PLCZ1: variants seen among roughly 807,000 people sequenced by gnomAD.
PLCZ1 encodes the protein 1-phosphatidylinositol 4,5-bisphosphate phosphodiesterase zeta-1.
PLCZ1 carries 64 observed loss-of-function variants against 76.8 expected under a neutral mutation model. The observed-to-expected ratio is 0.83, with a 90% CI of 0.68 to 1.03. The LOEUF is 1.03. Among genes scored for constraint, PLCZ1 ranks in the 50% least tolerant of loss-of-function variants. The probability of loss-of-function intolerance (pLI) is 0.00; values close to 1 mark genes in which losing one functional copy is unlikely to be tolerated. For missense variants in PLCZ1, 751 were observed against 713.7 expected (o/e 1.05, Z -0.60); for synonymous variants, 248 against 230.8 (o/e 1.07, Z -0.68).
At chr12:18,725,125 C>G (rs549628506) in intron 3 of PLCZ1, among the ~76,000 whole-genome samples, 17 of 152,102 alleles carry the variant, frequency 1.1e-4, no homozygotes, top group African/African-American at 3.9e-4. Flanking sequence ...AAATGTTAAT[C>G]AAATTACAGA....
the PLCZ1 span, among the ~76,000 whole-genome samples, chr12:18,665,402 C>T: frequency 6.6e-6 from 1 of 151,872 alleles, no homozygotes; most frequent in African/African-American, 2.4e-5. Flanking sequence ...TTGTATTTCA[C>T]CACAAGAAAA....
At chr12:18,698,494 A>G (rs1029032144) in intron 10 of PLCZ1, among the ~76,000 whole-genome samples, 1 of 152,170 alleles carries the variant, frequency 6.6e-6, no homozygotes, top group African/African-American at 2.4e-5. Context: ...ATCTTTGGGT[A>G]TCTATGACCA....
intron 6 of PLCZ1, among the ~76,000 whole-genome samples, chr12:18,712,043 A>C (rs1957405378): frequency 6.6e-6 from 1 of 152,160 alleles, no homozygotes; most frequent in Admixed American, 6.6e-5. Context: ...GTATTGACAT[A>C]GGAGAACTTT....
intron 5 of PLCZ1, among the ~76,000 whole-genome samples, chr12:18,716,819 T>C (rs1958041945): frequency 6.6e-6 from 1 of 152,232 alleles, no homozygotes; most frequent in African/African-American, 2.4e-5. Context: ...CTATTTTCTA[T>C]TTGAAGTTGA....
intron 12 of PLCZ1, chr12:18,692,632 G>T (rs1954296422): frequency 3.4e-6 from 2 of 595,356 alleles, no homozygotes; most frequent in East Asian, 2.9e-5. Flanking sequence ...CCGCAATGGG[G>T]CAGGAGGACT....
intron 12 of PLCZ1, chr12:18,693,066 T>C: frequency 6.7e-7 from 1 of 1,486,566 alleles, no homozygotes; most frequent in Non-Finnish European, 9.4e-7. Context: ...AGGGAAAAGA[T>C]CAAAAGTGGA....
At chr12:18,704,734 G>A (rs1030033802) in intron 7 of PLCZ1, among the ~76,000 whole-genome samples, 2 of 152,056 alleles carry the variant, frequency 1.3e-5, no homozygotes, top group African/African-American at 4.8e-5. Flanking sequence ...AAATTAAGAC[G>A]GAAAGGGTCA....
At chr12:18,656,846 A>G in the PLCZ1 span, among the ~76,000 whole-genome samples, 2 of 152,174 alleles carry the variant, frequency 1.3e-5, no homozygotes, top group African/African-American at 4.8e-5. Context: ...TGCAACAACA[A>G]AATGAATGCT....
intron 10 of PLCZ1, among the ~76,000 whole-genome samples, chr12:18,697,217 A>G (rs1955191120): frequency 6.6e-6 from 1 of 152,132 alleles, no homozygotes; most frequent in South Asian, 2.1e-4. Flanking sequence ...TAAACCAACT[A>G]GAATAGAATC....
At chr12:18,655,352 T>G in the PLCZ1 span, among the ~76,000 whole-genome samples, 1 of 152,208 alleles carries the variant, frequency 6.6e-6, no homozygotes, top group South Asian at 2.1e-4. Flanking sequence ...GTAAGTAACA[T>G]TAAATTATAG....
chr12:18,731,093 C>T (rs1401694616), intron 3 of PLCZ1: 2 of 151,936 alleles, frequency 1.3e-5, no homozygotes, highest in Non-Finnish European at 2.9e-5. Context: ...TTTTAACCTC[C>T]TCTTTGTGGT....
chr12:18,693,707 G>A (rs1954502821), intron 12 of PLCZ1: 1 of 1,561,042 alleles, frequency 6.4e-7, no homozygotes, highest in Non-Finnish European at 8.8e-7. Flanking sequence ...AACAACGTTG[G>A]AACTGCTGAA....
intron 6 of PLCZ1, 124 bp downstream of exon 6, chr12:18,712,718 T>C (rs1957486364): frequency 8.2e-7 from 1 of 1,215,152 alleles, no homozygotes. Context: ...TGCCTACTAA[T>C]GGATCATAAC....
intron 10 of PLCZ1, 85 bp downstream of exon 10, chr12:18,699,709 A>G: frequency 7.4e-7 from 1 of 1,346,134 alleles, no homozygotes; most frequent in Non-Finnish European, 1.1e-6. Context: ...TATACATTTT[A>G]TAAATATCAT....
rs539147570 is a variant in PLCZ1 at position 18,723,198 on chromosome 12, G to C, written c.367+113C>G. 9 of 918,312 alleles carry C rather than the reference G, an allele frequency of 9.8e-6. No individual in the cohort carries two copies. In the African/African-American group the frequency reaches 1.3e-4, roughly 14 times the overall value. The allele number at this position is 918,312 out of a possible 1,614,324, so 56.9% of individuals were successfully genotyped here. The stretch of plus-strand genomic sequence containing the variant: ...AAAGATATTTGACCCATCCAAAAAC[G>C]GTAATTTGATAACCACAATTCATAA... On this transcript the variant is annotated intron_variant, in intron 4 of 14. Coordinates refer to ENST00000266505, the MANE Select transcript of PLCZ1 (RefSeq NM_033123.4).
intron 6 of PLCZ1, among the ~76,000 whole-genome samples, chr12:18,711,654 CA>C (rs1957359909): frequency 6.6e-6 from 1 of 151,646 alleles, no homozygotes; most frequent in East Asian, 1.9e-4. Flanking sequence ...TTGGCTAGAG[CA>C]CATGAAAGTT....
chr12:18,671,653 A>C, the PLCZ1 span, among the ~76,000 whole-genome samples: 1 of 152,206 alleles, frequency 6.6e-6, no homozygotes, highest in African/African-American at 2.4e-5. Flanking sequence ...GGATATAAAA[A>C]AAAATTTCAT....
rs201761082 is a variant in PLCZ1, at chr12:18,694,965, G to A, written c.1406C>T (p.Ser469Leu). The A allele has an allele frequency of 3.4e-5, 55 of 1,606,746 alleles. No homozygotes were observed. The highest frequency in any genetic ancestry group is 4.3e-5 in the Non-Finnish European group (51 of 1,174,062). Residue 469 changes from serine (S) to leucine (L), a missense_variant, in exon 12 of 15, where the codon TCA becomes TTA. Coordinates refer to ENST00000266505, the MANE Select transcript of PLCZ1 (RefSeq NM_033123.4). Reference sequence around the variant, plus strand: ...TTTTATGTTACTTGGGTTAAAGTATGATTTACTCTCTCTTAAGAAATGTGG... The same window carrying A: ...TTTTATGTTACTTGGGTTAAAGTATAATTTACTCTCTCTTAAGAAATGTGG... ...LKPHFLRESK[S>L]YFNPSNIKEG...
the PLCZ1 span, among the ~76,000 whole-genome samples, chr12:18,665,418 T>C: frequency 1.3e-5 from 2 of 152,108 alleles, no homozygotes; most frequent in Non-Finnish European, 2.9e-5. Flanking sequence ...GAAAAAAAAA[T>C]TGAGAAACAG....
Sources: allele counts gnomAD v4.1 joint callset (sites outside exome capture counted in the v4.1 genomes callset), GRCh38; gene constraint gnomAD v4.1.1; transcripts MANE v1.5; gene names NCBI Gene and HGNC (gene_info 2026-07-23, HGNC 2026-07-21).